The following SLC4A10 variants were observed in gnomAD, a reference collection of about 807,000 sequenced individuals.
The protein encoded by SLC4A10 is solute carrier family 4 member 10.
In SLC4A10, 42 loss-of-function variants were observed where a neutral mutation model predicts 137.7. That is an observed-to-expected ratio of 0.30 (90% CI 0.24 to 0.39). SLC4A10 has a LOEUF of 0.39. SLC4A10 is among the 10% of genes least tolerant of loss of function. The pLI, the probability that SLC4A10 is intolerant of heterozygous loss-of-function variation, is 1.00. For synonymous variants in SLC4A10, 474 were observed against 464.1 expected (o/e 1.02, Z -0.27); for missense variants, 925 against 1,355.0 (o/e 0.68, Z 4.98).
chr2:161,887,498 C>T (rs1338322310), intron 10 of SLC4A10, among the ~76,000 whole-genome samples: 1 of 152,098 alleles, frequency 6.6e-6, no homozygotes, highest in Admixed American at 6.5e-5. Context: ...TAATGATTGC[C>T]GTTGTCACTG....
intron 10 of SLC4A10, among the ~76,000 whole-genome samples, chr2:161,892,478 T>C (rs866873848): frequency 1.3e-5 from 2 of 152,202 alleles, no homozygotes; most frequent in Middle Eastern, 6.8e-3. Context: ...CATTTTCGTA[T>C]TATCCTAAGC....
At chr2:161,814,749 G>T (rs534613837) in intron 3 of SLC4A10, among the ~76,000 whole-genome samples, 5 of 152,142 alleles carry the variant, frequency 3.3e-5, no homozygotes, top group African/African-American at 1.2e-4. Context: ...GGCAACAATA[G>T]ACACTGGAAA....
In SLC4A10 at chr2:161,855,169, C is replaced by G. The variant is rs372601420; in HGVS notation, c.577+39C>G. 9.0e-6 allele frequency: 14 copies of G among 1,546,984 alleles called. No individual in the cohort carries two copies. In the African/African-American group the frequency reaches 1.5e-4, roughly 17 times the overall value. ...CCCTTAGTGTATTTTATAGGTACAGCTAATTTTTTGTTACTCTCTTTTCCT... is the reference window on the plus strand; with the variant it reads ...CCCTTAGTGTATTTTATAGGTACAGGTAATTTTTTGTTACTCTCTTTTCCT... On this transcript the variant is annotated intron_variant, in intron 5 of 26. Transcript: ENST00000446997.
intron 1 of SLC4A10, among the ~76,000 whole-genome samples, chr2:161,639,493 C>T (rs2034967431): frequency 6.6e-6 from 1 of 152,104 alleles, no homozygotes. Context: ...AAATGTGATA[C>T]ATCACATTAA....
At chr2:161,630,343 A>T (rs2033298732) in intron 1 of SLC4A10, among the ~76,000 whole-genome samples, 1 of 151,834 alleles carries the variant, frequency 6.6e-6, no homozygotes, top group East Asian at 1.9e-4. Context: ...ATGGCCTCAC[A>T]TACTGAGTTA....
chr2:161,942,584 A>G (rs1483962991), intron 15 of SLC4A10, among the ~76,000 whole-genome samples: 1 of 152,120 alleles, frequency 6.6e-6, no homozygotes, highest in Non-Finnish European at 1.5e-5. Context: ...ATTCCAGGAA[A>G]CACTGTAGAG....
At position 161,839,793 on chromosome 2, in the gene SLC4A10, C is replaced by T. The variant is rs201307279; in HGVS notation, c.282C>T (p.Thr94=). Residue 94 remains threonine (T), a synonymous_variant, in exon 4 of 27, where the codon ACC becomes ACT. Transcript: ENST00000446997. ...TACATGTCTCTGATTTTTTAGACAC[C>T]CCATCACAGAGGGTACAGTTTATTC... ...EDGRESPSFD[T]PSQRVQFILG... The T allele has an allele frequency of 6.2e-6, 10 of 1,613,098 alleles. No individual in the cohort carries two copies. The highest frequency in any genetic ancestry group is 1.1e-5 in the South Asian group (1 of 91,036).
At chr2:161,805,774 G>A (rs746727739) in intron 3 of SLC4A10, among the ~76,000 whole-genome samples, 4 of 152,186 alleles carry the variant, frequency 2.6e-5, no homozygotes, top group Non-Finnish European at 4.4e-5. Context: ...ATGGGCTGGC[G>A]TTGAGTGTCT....
intron 15 of SLC4A10, among the ~76,000 whole-genome samples, chr2:161,919,327 G>A (rs1430317299): frequency 6.6e-6 from 1 of 152,140 alleles, no homozygotes; most frequent in Non-Finnish European, 1.5e-5. Flanking sequence ...GGTCCCCAGT[G>A]AAACCTCACC....
chr2:161,832,975 C>T (rs909929540), intron 3 of SLC4A10, among the ~76,000 whole-genome samples: 6 of 152,154 alleles, frequency 3.9e-5, no homozygotes, highest in Admixed American at 2.0e-4. Flanking sequence ...CTGCTGACCT[C>T]GTGATCCGCC....
At chr2:161,721,689 C>A (rs953715612) in intron 1 of SLC4A10, among the ~76,000 whole-genome samples, 1 of 152,140 alleles carries the variant, frequency 6.6e-6, no homozygotes, top group Non-Finnish European at 1.5e-5. Context: ...CACGGATTAT[C>A]TTACGGGGGT....
chr2:161,968,383 T>C (rs1697966353), intron 23 of SLC4A10, among the ~76,000 whole-genome samples: 1 of 152,188 alleles, frequency 6.6e-6, no homozygotes, highest in Non-Finnish European at 1.5e-5. Context: ...TGTACTTTAA[T>C]GGGCATTTAC....
At chr2:161,876,309 A>G (rs1042214181) in intron 8 of SLC4A10, among the ~76,000 whole-genome samples, 1 of 152,156 alleles carries the variant, frequency 6.6e-6, no homozygotes, top group African/African-American at 2.4e-5. Context: ...GATTCTCTAG[A>G]GCTGCTTTAC....
At chr2:161,653,908 A>C (rs2037160913) in intron 1 of SLC4A10, among the ~76,000 whole-genome samples, 1 of 152,248 alleles carries the variant, frequency 6.6e-6, no homozygotes, top group African/African-American at 2.4e-5. Context: ...CTTTGGATAC[A>C]TACTCAGAAG....
At chr2:161,900,777 A>G (rs903567940) in intron 11 of SLC4A10, 134 bp from the exon 12 acceptor site, 33 of 585,436 alleles carry the variant, frequency 5.6e-5, no homozygotes, top group Non-Finnish European at 9.2e-5. Context: ...AGGTCAAGCA[A>G]CAAGTAAGTA....
At chr2:161,796,332 C>T (rs942789530) in intron 2 of SLC4A10, among the ~76,000 whole-genome samples, 1 of 152,102 alleles carries the variant, frequency 6.6e-6, no homozygotes, top group African/African-American at 2.4e-5. Context: ...AATCAGCTGG[C>T]GCCCGCTTCT....
chr2:161,885,507 C>T (rs1003149487), intron 10 of SLC4A10, among the ~76,000 whole-genome samples: 11 of 152,042 alleles, frequency 7.2e-5, no homozygotes, highest in Non-Finnish European at 5.9e-5. Context: ...AGTGTCTGAC[C>T]CTCAGTCAGG....
intron 2 of SLC4A10, among the ~76,000 whole-genome samples, chr2:161,776,754 T>C (rs1337274260): frequency 6.6e-6 from 1 of 151,806 alleles, no homozygotes; most frequent in Non-Finnish European, 1.5e-5. Context: ...TTTTTAATTT[T>C]TTGAGGAACT....
At chr2:161,722,539 A>T (rs1014158680) in intron 1 of SLC4A10, among the ~76,000 whole-genome samples, 1 of 152,168 alleles carries the variant, frequency 6.6e-6, no homozygotes, top group African/African-American at 2.4e-5. Flanking sequence ...AGGCTGCAGA[A>T]CAGCAAAGAT....
Sources: gnomAD v4.1 joint callset for allele counts (sites outside exome capture counted in the v4.1 genomes callset) on GRCh38, gnomAD v4.1.1 for gene constraint, MANE v1.5 for transcripts, NCBI Gene and HGNC (gene_info 2026-07-23, HGNC 2026-07-21) for gene names.